KIF4A: variants seen among roughly 807,000 people sequenced by gnomAD.
KIF4A encodes the protein kinesin family member 4A, also known as chromosome-associated kinesin KIF4A.
KIF4A carries 7 observed loss-of-function variants against 105.9 expected under a neutral mutation model. That is an observed-to-expected ratio of 0.07 (90% confidence interval 0.04 to 0.12). The LOEUF is 0.12. KIF4A is among the 10% of genes least tolerant of loss of function. KIF4A has a pLI of 1.00. For missense variants in KIF4A, 558 were observed against 929.2 expected (o/e 0.60, Z 5.19); for synonymous variants, 281 against 331.3 (o/e 0.85, Z 1.65).
intron 15 of KIF4A, among the ~76,000 whole-genome samples, chrX:70,357,399 G>C (rs1284790066): frequency 7.1e-5 from 8 of 111,998 alleles, no homozygotes; most frequent in African/African-American, 2.6e-4. Flanking sequence ...TTTCTTTCCT[G>C]AAAACAACCG....
intron 6 of KIF4A, 56 bp downstream of exon 6, chrX:70,302,122 C>T: frequency 8.7e-7 from 1 of 1,145,221 alleles, no homozygotes. Flanking sequence ...TAAGGTTAAA[C>T]ATTAGACTGC....
intron 7 of KIF4A, among the ~76,000 whole-genome samples, chrX:70,317,106 T>C (rs1949604119): frequency 8.9e-6 from 1 of 112,164 alleles, no homozygotes; most frequent in Non-Finnish European, 1.9e-5. Context: ...CAATTTATCC[T>C]CTTTACTGTT....
At chrX:70,378,536 C>T (rs914669583) in intron 18 of KIF4A, among the ~76,000 whole-genome samples, 3 of 109,599 alleles carry the variant, frequency 2.7e-5, no homozygotes, top group African/African-American at 1.0e-4. Flanking sequence ...CGAGACCAGC[C>T]TGAGTAACAT....
At chrX:70,357,142 G>A (rs1217187328) in intron 15 of KIF4A, among the ~76,000 whole-genome samples, 3 of 110,971 alleles carry the variant, frequency 2.7e-5, no homozygotes, top group South Asian at 3.8e-4. Flanking sequence ...GTGAAACCCC[G>A]TCTCTACTAA....
chrX:70,350,061 C>T (rs914956470), intron 13 of KIF4A, among the ~76,000 whole-genome samples: 19 of 113,789 alleles, frequency 1.7e-4, no homozygotes, highest in African/African-American at 4.8e-4. Context: ...CAGGCGGAGA[C>T]GCTCCTCACT....
At chrX:70,393,983 A>C (rs1364640930) in intron 20 of KIF4A, among the ~76,000 whole-genome samples, 3 of 103,404 alleles carry the variant, frequency 2.9e-5, no homozygotes, top group Non-Finnish European at 5.8e-5. Context: ...CTACTACTTC[A>C]TCCTCCCAAG....
chrX:70,338,913 G>A lies in KIF4A; in HGVS notation c.1134-2886G>A, dbSNP rs761629847. 2.8e-3 allele frequency among the ~76,000 whole-genome samples: 308 copies of A among 109,684 alleles called. 3 individuals are homozygous for A. The highest frequency in any genetic ancestry group is 9.7e-3 in the African/African-American group (291 of 30,093). On this transcript the variant is annotated intron_variant, in intron 10 of 30. Transcript: ENST00000374403. Reference sequence around the variant, plus strand: ...ATCCTGCCTAACACGGTGAAACCTCGTCTCTACTAAAAATAGAAAAAATTA... The same window carrying A: ...ATCCTGCCTAACACGGTGAAACCTCATCTCTACTAAAAATAGAAAAAATTA...
chrX:70,341,940 C>G lies in KIF4A; in HGVS notation c.1266+9C>G. 2.5e-6 allele frequency: 3 copies of G among 1,201,307 alleles called. No individual in the cohort carries two copies. On this transcript the variant is annotated intron_variant, in intron 11 of 30. Transcript: ENST00000374403. ...TGGAGAGGATCATTTTGGTAAGCCC[C>G]CAAGAATAAACTACTAGCAATCTGA...
intron 15 of KIF4A, among the ~76,000 whole-genome samples, chrX:70,370,884 C>T (rs987146084): frequency 4.2e-5 from 4 of 94,905 alleles, no homozygotes; most frequent in African/African-American, 8.1e-5. Context: ...TGCAGTAAGC[C>T]GAGATCACAC....
At chrX:70,343,670 C>G (rs376117453) in intron 11 of KIF4A, 33 bp from the exon 12 acceptor site, 74 of 1,186,228 alleles carry the variant, frequency 6.2e-5, no homozygotes, top group Non-Finnish European at 8.2e-5. Flanking sequence ...TGTCAGGCAC[C>G]GCCACTGATG....
At chrX:70,298,094 G>A in intron 4 of KIF4A, among the ~76,000 whole-genome samples, 1 of 109,533 alleles carries the variant, frequency 9.1e-6, no homozygotes, top group African/African-American at 3.3e-5. Context: ...AACATAGTGA[G>A]ACCTTGTCTC....
intron 7 of KIF4A, among the ~76,000 whole-genome samples, chrX:70,318,235 A>G (rs1420304412): frequency 1.8e-5 from 2 of 111,921 alleles, no homozygotes; most frequent in African/African-American, 6.5e-5. Context: ...ATAGCATAAT[A>G]TAGTTTTGTC....
At chrX:70,333,989 A>G (rs2085940952) in intron 10 of KIF4A, among the ~76,000 whole-genome samples, 1 of 111,774 alleles carries the variant, frequency 8.9e-6, no homozygotes, top group Admixed American at 9.5e-5. Context: ...ATTTTATTCT[A>G]TGGTTTAACA....
intron 22 of KIF4A, among the ~76,000 whole-genome samples, chrX:70,401,166 G>A (rs1274497716): frequency 4.3e-5 from 4 of 92,072 alleles, no homozygotes; most frequent in African/African-American, 8.4e-5. Context: ...TGCAACCTCC[G>A]ACTTGCTGGT....
chrX:70,377,929 G>A (rs1044001504), intron 18 of KIF4A, among the ~76,000 whole-genome samples: 2 of 112,078 alleles, frequency 1.8e-5, no homozygotes, highest in Non-Finnish European at 3.8e-5. Flanking sequence ...GCAAGACTCC[G>A]TCTCAAAGAA....
chrX:70,388,209 A>G (rs962534530), intron 20 of KIF4A, among the ~76,000 whole-genome samples: 6 of 111,566 alleles, frequency 5.4e-5, no homozygotes, highest in Admixed American at 9.6e-5. Context: ...ATGTGGTTGC[A>G]TATGTCATAT....
At chrX:70,303,014 C>A (rs1166597991) in intron 7 of KIF4A, among the ~76,000 whole-genome samples, 2 of 111,625 alleles carry the variant, frequency 1.8e-5, no homozygotes, top group African/African-American at 6.5e-5. Flanking sequence ...CCAGATACAC[C>A]ATATCTACTG....
At chrX:70,397,435 A>C (rs902931609) in intron 22 of KIF4A, among the ~76,000 whole-genome samples, 1 of 111,759 alleles carries the variant, frequency 8.9e-6, no homozygotes, top group African/African-American at 3.2e-5. Context: ...AGAGAAAAGA[A>C]AGAAAAGAAA....
At chrX:70,367,200 A>T (rs2086107974) in intron 15 of KIF4A, among the ~76,000 whole-genome samples, 1 of 111,414 alleles carries the variant, frequency 9.0e-6, no homozygotes, top group African/African-American at 3.3e-5. Flanking sequence ...TTGACTCTTT[A>T]TCCAGTTTGC....
Sources: gnomAD v4.1 joint callset for allele counts (sites outside exome capture counted in the v4.1 genomes callset) on GRCh38, gnomAD v4.1.1 for gene constraint, MANE v1.5 for transcripts, NCBI Gene and HGNC (gene_info 2026-07-23, HGNC 2026-07-21) for gene names.